TEX9: variants seen among roughly 807,000 people sequenced by gnomAD.
TEX9 encodes testis expressed 9.
TEX9 carries 74 observed loss-of-function variants against 59.6 expected under a neutral mutation model. The observed-to-expected ratio is 1.24, with a 90% CI of 1.03 to 1.51. TEX9 has a LOEUF of 1.51. TEX9 is among the 40% of genes most tolerant of loss of function. The pLI is 0.00. For missense variants in TEX9, 522 were observed against 447.8 expected (o/e 1.17, Z -1.49); for synonymous variants, 186 against 152.2 (o/e 1.22, Z -1.64).
Position 56,301,613 on chromosome 15 carries a change from T to A in TEX9, c.-107+57335T>A, listed in dbSNP as rs555833000. On this transcript the variant is annotated intron_variant, in intron 1 of 5. Coordinates refer to the TEX9 transcript ENST00000560827. Reference sequence around the variant, plus strand: ...GGCAGCAGACTTCTCAGTGTAAACCTTATAGCCCAGGAGAGAGTGGAATGA... The same window carrying A: ...GGCAGCAGACTTCTCAGTGTAAACCATATAGCCCAGGAGAGAGTGGAATGA... Among the ~76,000 whole-genome samples the A allele has an allele frequency of 2.6e-5, 4 of 152,086 alleles. No homozygotes were observed. The South Asian group carries it at 8.3e-4, about 32-fold the overall frequency.
rs560426497 is a variant in TEX9, at chr15:56,262,720, T to G, written c.-107+18442T>G. ...CACCAGAGATAGGTATAACACTGATTAAGATTTTGTCTGTTTTTCCTTTAC... is the reference window on the plus strand; with the variant it reads ...CACCAGAGATAGGTATAACACTGATGAAGATTTTGTCTGTTTTTCCTTTAC... On this transcript the variant is annotated intron_variant, in intron 1 of 5. Coordinates refer to the TEX9 transcript ENST00000560827. 3.3e-5 allele frequency among the ~76,000 whole-genome samples: 5 copies of G among 152,340 alleles called. No homozygotes were observed. In the South Asian group the frequency reaches 8.3e-4, roughly 25 times the overall value.
At chr15:56,346,305 A>T (rs915258447) in intron 1 of TEX9, among the ~76,000 whole-genome samples, 1 of 152,100 alleles carries the variant, frequency 6.6e-6, no homozygotes, top group African/African-American at 2.4e-5. Context: ...CATTCTTCAG[A>T]GGAGGAGGTG....
rs143210412 is a variant in TEX9 at position 56,376,708 on chromosome 15, C to T, written c.183+3204C>T. Among the ~76,000 whole-genome samples the T allele has an allele frequency of 2.5e-3, 377 of 152,038 alleles. 1 individual carries two copies. The highest frequency in any genetic ancestry group is 0.01 in the Middle Eastern group (3 of 294). ...TATTTTCTCCCATTCTGTGGGTTGT[C>T]TCTTTACTTTATTGTTTCCTTCACT... On this transcript the variant is annotated intron_variant, in intron 3 of 12. Coordinates refer to ENST00000352903, the Ensembl canonical transcript of TEX9.
At chr15:56,304,226 C>T (rs549494036) in intron 1 of TEX9, among the ~76,000 whole-genome samples, 27 of 152,224 alleles carry the variant, frequency 1.8e-4, no homozygotes, top group Non-Finnish European at 2.5e-4. Flanking sequence ...CCAATTTGGA[C>T]GCCCTTTATT....
chr15:56,307,718 A>G (rs138925094), intron 1 of TEX9, among the ~76,000 whole-genome samples: 3 of 152,286 alleles, frequency 2.0e-5, no homozygotes, highest in African/African-American at 7.2e-5. Flanking sequence ...CCTCATACTC[A>G]TTAGCATATA....
rs544535119 is a variant in TEX9 at position 56,370,519 on chromosome 15, G to A, written c.120-2922G>A. ...TTCTTCAATTACAGTTTATCTGAAT[G>A]TAATTCTAGATGGCCAGCTTTTCCT... On this transcript the variant is annotated intron_variant, in intron 2 of 12. Coordinates refer to ENST00000352903, the Ensembl canonical transcript of TEX9. 1.1e-3 allele frequency among the ~76,000 whole-genome samples: 167 copies of A among 152,244 alleles called. 1 individual carries two copies. Among genetic ancestry groups the A allele is most frequent in the African/African-American group, 3.7e-3 (153 of 41,542 alleles).
the TEX9 span, chr15:56,456,598 C>A: frequency 6.7e-7 from 1 of 1,486,178 alleles, no homozygotes; most frequent in Non-Finnish European, 9.1e-7. Flanking sequence ...TGTTTTATAA[C>A]AGAAAACTAA....
In TEX9 at chr15:56,307,988, A is replaced by G. The variant is rs553781044; in HGVS notation, c.-107+63710A>G. Among the ~76,000 whole-genome samples, 13 of 152,314 alleles carry G rather than the reference A, an allele frequency of 8.5e-5. 1 individual carries two copies. The highest frequency in any genetic ancestry group is 3.1e-4 in the African/African-American group (13 of 41,572). ...TGTTTATCCATTCAGTAGTTGATGAACAATTGAATTGTCTCTACTTTTTAG... is the reference window on the plus strand; with the variant it reads ...TGTTTATCCATTCAGTAGTTGATGAGCAATTGAATTGTCTCTACTTTTTAG... On this transcript the variant is annotated intron_variant, in intron 1 of 5. Coordinates refer to the TEX9 transcript ENST00000560827.
chr15:56,428,390 G>A (rs1372022308), exon 12 of TEX9: 2 of 1,611,768 alleles, frequency 1.2e-6, no homozygotes, highest in Non-Finnish European at 1.7e-6. Flanking sequence ...CTGCCAAGAT[G>A]CTATCTTTCA....
chr15:56,460,009 A>ATATATATATAT, the TEX9 span, among the ~76,000 whole-genome samples: 37 of 26,366 alleles, frequency 1.4e-3, 5 homozygotes, highest in Non-Finnish European at 2.2e-3. Flanking sequence ...AAAAAAAAAA[A>ATATATATATAT]ATACATATAT....
At chr15:56,296,076 A>G (rs376153895) in intron 1 of TEX9, among the ~76,000 whole-genome samples, 1 of 152,192 alleles carries the variant, frequency 6.6e-6, no homozygotes, top group East Asian at 1.9e-4. Flanking sequence ...CTGTGACCCA[A>G]TCCTATAAGT....
chr15:56,452,480 T>C, the TEX9 span, among the ~76,000 whole-genome samples: 2 of 152,056 alleles, frequency 1.3e-5, no homozygotes, highest in Admixed American at 1.3e-4. Flanking sequence ...AGAAAGAAAA[T>C]GGGTATTCAG....
At chr15:56,360,695 A>G (rs1237459819), upstream of TEX9, among the ~76,000 whole-genome samples, 1 of 152,184 alleles carries the variant, frequency 6.6e-6, no homozygotes, top group Non-Finnish European at 1.5e-5. Flanking sequence ...AGCTAAGCAA[A>G]AGGGCTTAGC....
chr15:56,262,924 T>C (rs1261484491), intron 1 of TEX9, among the ~76,000 whole-genome samples: 4 of 152,258 alleles, frequency 2.6e-5, no homozygotes, highest in Non-Finnish European at 5.9e-5. Flanking sequence ...CCACAAACTT[T>C]CTTTAGGTTG....
chr15:56,399,585 C>G (rs1198604277), intron 9 of TEX9, among the ~76,000 whole-genome samples: 2 of 152,246 alleles, frequency 1.3e-5, no homozygotes, highest in Admixed American at 6.5e-5. Context: ...ACGTCCCTGT[C>G]TGACAGGTCT....
intron 9 of TEX9, among the ~76,000 whole-genome samples, chr15:56,411,173 A>G (rs1296042220): frequency 6.6e-6 from 1 of 152,190 alleles, no homozygotes; most frequent in Non-Finnish European, 1.5e-5. Context: ...ACTAGGCCTT[A>G]CTTTGTAGGG....
At chr15:56,383,150 A>G (rs370387884) in intron 3 of TEX9, among the ~76,000 whole-genome samples, 2 of 152,174 alleles carry the variant, frequency 1.3e-5, no homozygotes, top group Admixed American at 6.5e-5. Context: ...TCCGCCCCGC[A>G]TGACTTTGCT....
chr15:56,364,109 G>A (rs1458390356), upstream of TEX9, among the ~76,000 whole-genome samples: 1 of 151,500 alleles, frequency 6.6e-6, no homozygotes, highest in African/African-American at 2.4e-5. Context: ...GAAACTAAAG[G>A]TTTTTAGTTT....
intron 1 of TEX9, among the ~76,000 whole-genome samples, chr15:56,331,110 T>C (rs1360115937): frequency 4.6e-5 from 7 of 152,158 alleles, no homozygotes. Context: ...TAAAACAATT[T>C]TGAATATATG....
Sources: gnomAD v4.1 joint callset for allele counts (sites outside exome capture counted in the v4.1 genomes callset) on GRCh38, gnomAD v4.1.1 for gene constraint, MANE v1.5 for transcripts, NCBI Gene and HGNC (gene_info 2026-07-23, HGNC 2026-07-21) for gene names.